SS18L1: variants seen among roughly 807,000 people sequenced by gnomAD.
SS18L1 encodes the protein SS18L1 subunit of BAF chromatin remodeling complex, also known as calcium-responsive transactivator.
SS18L1 carries 32 observed loss-of-function variants against 70.3 expected under a neutral mutation model. The ratio of observed to expected loss-of-function variants is 0.46; its 90% CI spans 0.34 to 0.61. The LOEUF is 0.61. Among genes scored for constraint, SS18L1 ranks in the 20% least tolerant of loss-of-function variants. The pLI, the probability that SS18L1 is intolerant of heterozygous loss-of-function variation, is 0.01. For missense variants in SS18L1, 430 were observed against 542.1 expected (o/e 0.79, Z 2.05); for synonymous variants, 237 against 229.7 (o/e 1.03, Z -0.29).
chr20:62,165,990 G>A (rs1207683587), intron 8 of SS18L1, among the ~76,000 whole-genome samples: 3 of 152,218 alleles, frequency 2.0e-5, no homozygotes, highest in Non-Finnish European at 2.9e-5. Flanking sequence ...CACATCTGTG[G>A]CTGGGGGCTT....
At chr20:62,167,612 G>C (rs1039564639) in intron 8 of SS18L1, among the ~76,000 whole-genome samples, 1 of 152,124 alleles carries the variant, frequency 6.6e-6, no homozygotes, top group African/African-American at 2.4e-5. Context: ...CTGGCATATT[G>C]GCTGCAGTGG....
At chr20:62,170,724 G>A (rs539084874) in intron 8 of SS18L1, among the ~76,000 whole-genome samples, 9 of 152,192 alleles carry the variant, frequency 5.9e-5, no homozygotes, top group Non-Finnish European at 1.2e-4. Flanking sequence ...GGGATAGGGC[G>A]GCTGCTGCCA....
At position 62,174,757 on chromosome 20, in the gene SS18L1, G is replaced by A. The variant is rs937924906; in HGVS notation, c.1164+113G>A. 2 of 1,599,642 alleles carry A rather than the reference G, an allele frequency of 1.3e-6. No individual in the cohort carries two copies. Among genetic ancestry groups the A allele is most frequent in the Non-Finnish European group, 1.7e-6 (2 of 1,173,264 alleles). On this transcript the variant is annotated intron_variant, in intron 10 of 10. Transcript: ENST00000331758. The surrounding 1 kb of genome is among the most constrained non-coding windows in gnomAD (Gnocchi z 4.1). ...TGAGCTGGAACTAACTGGCTTCCAGGGTTCCTTCCAGAACGTTAAGTCTCT... is the reference window on the plus strand; with the variant it reads ...TGAGCTGGAACTAACTGGCTTCCAGAGTTCCTTCCAGAACGTTAAGTCTCT...
intron 5 of SS18L1, 24 bp downstream of exon 5, chr20:62,162,955 C>T (rs1245877528): frequency 6.2e-7 from 1 of 1,609,230 alleles, no homozygotes; most frequent in Non-Finnish European, 8.5e-7. Flanking sequence ...CTCTGCAACC[C>T]CGGGGGGCCT....
At chr20:62,163,671 C>G in intron 6 of SS18L1, 49 bp downstream of exon 6, 1 of 1,485,810 alleles carries the variant, frequency 6.7e-7, no homozygotes, top group Non-Finnish European at 8.9e-7. Context: ...CGCCGCGGGT[C>G]GTGAAGTGCC....
At chr20:62,177,049 A>C (rs1229169268) in intron 10 of SS18L1, among the ~76,000 whole-genome samples, 1 of 152,192 alleles carries the variant, frequency 6.6e-6, no homozygotes, top group African/African-American at 2.4e-5. Flanking sequence ...CCAGTCTGAC[A>C]ATTTAAAATG....
Position 62,161,596 on chromosome 20 carries a change from G to C in SS18L1, c.376+16G>C. The stretch of plus-strand genomic sequence containing the variant: ...ATTGGCAACGGTGAGTGCGGCGGGG[G>C]AGGAGGACGTTCCTGGCTACGAGGC... On this transcript the variant is annotated intron_variant, in intron 4 of 10. Coordinates refer to ENST00000331758, the MANE Select transcript of SS18L1 (RefSeq NM_198935.3). The surrounding 1 kb of genome is among the most constrained non-coding windows in gnomAD (Gnocchi z 4.4). The C allele has an allele frequency of 2.5e-6, 4 of 1,596,270 alleles. No homozygotes were observed. Among genetic ancestry groups the C allele is most frequent in the Non-Finnish European group, 3.4e-6 (4 of 1,166,784 alleles).
chr20:62,169,114 G>T (rs2057484704), intron 8 of SS18L1, among the ~76,000 whole-genome samples: 1 of 152,228 alleles, frequency 6.6e-6, no homozygotes, highest in South Asian at 2.1e-4. Context: ...TCACAGTGAG[G>T]TTTGCAGTGA....
chr20:62,144,597 C>T (rs993515926), intron 1 of SS18L1, among the ~76,000 whole-genome samples: 5 of 152,272 alleles, frequency 3.3e-5, no homozygotes, highest in Non-Finnish European at 5.9e-5. Flanking sequence ...GCCGCCTCGC[C>T]TAACAAACTT....
chr20:62,148,163 C>T (rs114427846), intron 1 of SS18L1, among the ~76,000 whole-genome samples: 4,965 of 152,342 alleles, frequency 0.033, 224 homozygotes, highest in African/African-American at 0.09. Context: ...GGGGTTGGGT[C>T]CCCTCATTCC....
At chr20:62,155,003 G>C (rs2057197282) in intron 1 of SS18L1, among the ~76,000 whole-genome samples, 2 of 152,132 alleles carry the variant, frequency 1.3e-5, no homozygotes, top group Non-Finnish European at 2.9e-5. Context: ...TGCCCCCTCT[G>C]TTGTTTCTAA....
At chr20:62,151,726 T>C (rs972848171) in intron 1 of SS18L1, among the ~76,000 whole-genome samples, 4 of 152,194 alleles carry the variant, frequency 2.6e-5, no homozygotes, top group Non-Finnish European at 5.9e-5. Flanking sequence ...GTCCAGCCAG[T>C]CTCTGCAGTG....
chr20:62,172,055 G>C (rs192545910), intron 8 of SS18L1, among the ~76,000 whole-genome samples: 1 of 151,922 alleles, frequency 6.6e-6, no homozygotes, highest in Non-Finnish European at 1.5e-5. Flanking sequence ...CCAGCTACTC[G>C]GGAGGCTGAG....
Position 62,159,659 on chromosome 20 carries a change from T to C in SS18L1, c.147-218T>C, listed in dbSNP as rs78516939. ...GAGTTTTTGTCATGGGTTGGGAGCCTGCTCAGGGTTTGGGGTAGAGGCTGC... is the reference window on the plus strand; with the variant it reads ...GAGTTTTTGTCATGGGTTGGGAGCCCGCTCAGGGTTTGGGGTAGAGGCTGC... On this transcript the variant is annotated intron_variant, in intron 2 of 10. Coordinates refer to ENST00000331758, the MANE Select transcript of SS18L1 (RefSeq NM_198935.3). This position sits in a 1 kb window ranked among gnomAD's most constrained non-coding sequence, Gnocchi z 4.4. Among the ~76,000 whole-genome samples the C allele has an allele frequency of 0.037, 5,624 of 152,190 alleles. 311 individuals carry two copies. Among genetic ancestry groups the C allele is most frequent in the African/African-American group, 0.12 (5,070 of 41,518 alleles).
chr20:62,144,829 T>A (rs189468376), intron 1 of SS18L1, among the ~76,000 whole-genome samples: 123 of 152,356 alleles, frequency 8.1e-4, no homozygotes, highest in African/African-American at 2.2e-3. Context: ...TGGAATGACA[T>A]TGGTTTTTTT....
intron 10 of SS18L1, among the ~76,000 whole-genome samples, chr20:62,177,189 C>T (rs902010603): frequency 6.6e-6 from 1 of 151,870 alleles, no homozygotes; most frequent in South Asian, 2.1e-4. Context: ...AAAGCAGAGG[C>T]GGGCGGGAGC....
Position 62,155,480 on chromosome 20 carries a change from G to T in SS18L1, c.70-3192G>T, listed in dbSNP as rs2145716982. ...TCATCTTTGGATTTTGGCCTCTGTG[G>T]CTGGTTTTGGCCTTTGTCTTTCAAA... is the stretch of plus-strand genomic sequence containing the variant. On this transcript the variant is annotated intron_variant, in intron 1 of 10. Transcript: ENST00000331758. 3.3e-5 allele frequency among the ~76,000 whole-genome samples: 5 copies of T among 152,328 alleles called. No homozygotes were observed. In the South Asian group the frequency reaches 1.0e-3, roughly 32 times the overall value.
intron 1 of SS18L1, among the ~76,000 whole-genome samples, chr20:62,156,962 G>A (rs1239662885): frequency 6.6e-6 from 1 of 152,208 alleles, no homozygotes; most frequent in Non-Finnish European, 1.5e-5. Flanking sequence ...AGGCGTGGTG[G>A]GCTCAGTTCT....
chr20:62,163,297 A>G lies in SS18L1; in HGVS notation c.557-161A>G, dbSNP rs73309162. Among the ~76,000 whole-genome samples the G allele has an allele frequency of 0.081, 12,243 of 151,742 alleles. 746 individuals are homozygous for G. Among genetic ancestry groups the G allele is most frequent in the African/African-American group, 0.17 (6,923 of 41,428 alleles). On this transcript the variant is annotated intron_variant, in intron 5 of 10. Coordinates refer to ENST00000331758, the MANE Select transcript of SS18L1 (RefSeq NM_198935.3). ...GTCTGAGCTTGCAGGGCGTCAGTGC[A>G]GGCCACGTAGGGGAGGCGTGCCTTG...
Sources: allele counts gnomAD v4.1 joint callset (sites outside exome capture counted in the v4.1 genomes callset), GRCh38; gene constraint gnomAD v4.1.1; non-coding constraint Gnocchi (gnomAD v3.1); transcripts MANE v1.5; gene names NCBI Gene and HGNC (gene_info 2026-07-23, HGNC 2026-07-21).